Variants in CTBP2 observed in about 807,000 individuals in gnomAD.
CTBP2 encodes the protein C-terminal binding protein 2, also known as C-terminal-binding protein 2.
Under a neutral mutation model 80.3 loss-of-function variants are expected in CTBP2, and 30 were observed. That is an observed-to-expected ratio of 0.37 (90% CI 0.28 to 0.51). CTBP2 has a LOEUF of 0.51. CTBP2 is among the 20% of genes least tolerant of loss of function. CTBP2 has a pLI of 0.93. For synonymous variants in CTBP2, 594 were observed against 587.4 expected, an observed-to-expected ratio of 1.01 and a Z score of -0.16; for missense variants, 1,212 against 1,375.3, an observed-to-expected ratio of 0.88 and a Z score of 1.88.
chr10:125,044,763 C>A (rs190343875), intron 2 of CTBP2, among the ~76,000 whole-genome samples: 45 of 152,280 alleles, frequency 3.0e-4, no homozygotes, highest in Admixed American at 2.7e-3. Context: ...GAGAGCCTGT[C>A]TCAAACTTAA....
At chr10:125,130,181 G>A (rs1855933379) in intron 1 of CTBP2, among the ~76,000 whole-genome samples, 1 of 152,016 alleles carries the variant, frequency 6.6e-6, no homozygotes, top group African/African-American at 2.4e-5. Flanking sequence ...CCAAGTAGGT[G>A]GGATTACAGA....
intron 2 of CTBP2, among the ~76,000 whole-genome samples, chr10:125,053,215 G>A (rs1963182120): frequency 6.6e-6 from 1 of 152,116 alleles, no homozygotes; most frequent in Non-Finnish European, 1.5e-5. Flanking sequence ...TCTGGAGTAC[G>A]ACTGGGGGTT....
chr10:124,997,954 T>C lies in CTBP2; in HGVS notation c.2185+10A>G. 6.2e-7 allele frequency: 1 copy of C among 1,609,014 alleles called. No individual in the cohort carries two copies. Among genetic ancestry groups the C allele is most frequent in the Middle Eastern group, 1.8e-4 (1 of 5,510 alleles). ...AGGGGTTGGGGGTCAGCGCAGAGGGTGGCACGTACCAAAGCCAATGAGGCC... is the reference window on the plus strand; with the variant it reads ...AGGGGTTGGGGGTCAGCGCAGAGGGCGGCACGTACCAAAGCCAATGAGGCC... On this transcript the variant is annotated intron_variant, in intron 4 of 8. Transcript: ENST00000309035.
chr10:125,067,044 G>A (rs1004348192), intron 2 of CTBP2, among the ~76,000 whole-genome samples: 30 of 152,246 alleles, frequency 2.0e-4, no homozygotes, highest in African/African-American at 6.3e-4. Context: ...CACCCCCCAC[G>A]TCCACCTGCT....
intron 1 of CTBP2, among the ~76,000 whole-genome samples, chr10:125,130,756 C>T (rs565094773): frequency 3.9e-5 from 6 of 152,212 alleles, no homozygotes; most frequent in South Asian, 2.1e-4. Context: ...ATTTAGAGAC[C>T]GACTGTACTG....
chr10:125,137,545 T>C (rs1857156569), intron 1 of CTBP2, among the ~76,000 whole-genome samples: 1 of 152,228 alleles, frequency 6.6e-6, no homozygotes, highest in Non-Finnish European at 1.5e-5. Context: ...TCCAAGATGC[T>C]TTCCTGAAAC....
At chr10:125,130,657 G>A (rs952822140) in intron 1 of CTBP2, among the ~76,000 whole-genome samples, 5 of 152,278 alleles carry the variant, frequency 3.3e-5, no homozygotes, top group East Asian at 1.9e-4. Flanking sequence ...AATATAGTGC[G>A]TGGACACTGG....
chr10:125,005,159 A>C (rs1955069664), intron 1 of CTBP2, among the ~76,000 whole-genome samples: 1 of 152,226 alleles, frequency 6.6e-6, no homozygotes, highest in South Asian at 2.1e-4. Flanking sequence ...CCTGCATGGA[A>C]GGCCGTGCTC....
intron 2 of CTBP2, among the ~76,000 whole-genome samples, chr10:125,098,708 C>CAG (rs1850045599): frequency 7.6e-5 from 5 of 65,696 alleles, no homozygotes; most frequent in East Asian, 4.7e-4. Context: ...GAGAGAGAGA[C>CAG]AGAGAGAGAG....
chr10:125,015,510 G>A (rs948904303), intron 1 of CTBP2, among the ~76,000 whole-genome samples: 13 of 152,168 alleles, frequency 8.5e-5, no homozygotes, highest in African/African-American at 2.9e-4. Flanking sequence ...GGCCACAGCC[G>A]GGCTCCCAGG....
chr10:125,113,746 T>G (rs1429785488), intron 1 of CTBP2, among the ~76,000 whole-genome samples: 1 of 152,216 alleles, frequency 6.6e-6, no homozygotes, highest in Non-Finnish European at 1.5e-5. Context: ...GGTTCTAATT[T>G]GAGATATTTC....
chr10:125,086,948 A>G (rs1590672405), intron 2 of CTBP2, among the ~76,000 whole-genome samples: 5 of 152,264 alleles, frequency 3.3e-5, no homozygotes, highest in Admixed American at 3.3e-4. Flanking sequence ...ACAGTCCACG[A>G]CACACACGTG....
chr10:125,156,888 T>C (rs555658367), intron 1 of CTBP2, among the ~76,000 whole-genome samples: 2 of 152,370 alleles, frequency 1.3e-5, no homozygotes, highest in South Asian at 4.1e-4. Context: ...ACTGACAAAC[T>C]AGTTAATAAT....
At chr10:125,018,553 C>CAACA (rs59184976) in intron 1 of CTBP2, among the ~76,000 whole-genome samples, 10,244 of 99,498 alleles carry the variant, frequency 0.1, 405 homozygotes, top group East Asian at 0.2. Context: ...CCAAACCAAC[C>CAACA]AACAAACAAA....
chr10:125,086,436 G>A (rs757089614), intron 2 of CTBP2, among the ~76,000 whole-genome samples: 2 of 151,896 alleles, frequency 1.3e-5, no homozygotes, highest in Non-Finnish European at 1.5e-5. Context: ...TCAGCTACCC[G>A]GGAGACTGAG....
chr10:125,061,264 T>C (rs1177363596), intron 2 of CTBP2, among the ~76,000 whole-genome samples: 2 of 152,226 alleles, frequency 1.3e-5, no homozygotes, highest in African/African-American at 2.4e-5. Flanking sequence ...TACTTCCCGA[T>C]AGGACTTCCA....
chr10:125,087,457 G>A (rs1848163986), intron 2 of CTBP2, among the ~76,000 whole-genome samples: 1 of 152,114 alleles, frequency 6.6e-6, no homozygotes, highest in Non-Finnish European at 1.5e-5. Flanking sequence ...TTATTATAAA[G>A]AAGACATCCA....
rs1157720963 is a variant in CTBP2 at position 125,086,731 on chromosome 10, G to C, written c.-102+24259C>G. Among the ~76,000 whole-genome samples, 6 of 151,992 alleles carry C rather than the reference G, an allele frequency of 3.9e-5. No homozygotes were observed. The East Asian group carries it at 1.2e-3, about 29-fold the overall frequency. On this transcript the variant is annotated intron_variant, in intron 2 of 10. Transcript: ENST00000337195. ...CAGACATCGAATCTGCTGGCATCTT[G>C]GTCTTGGATTTCCCAAGAATTGTGA...
chr10:125,037,678 T>C (rs942259784), intron 3 of CTBP2, among the ~76,000 whole-genome samples: 1 of 152,152 alleles, frequency 6.6e-6, no homozygotes, highest in Non-Finnish European at 1.5e-5. Context: ...CAAAGAGACG[T>C]GGAGGAAATG....
Sources: allele counts gnomAD v4.1 joint callset (sites outside exome capture counted in the v4.1 genomes callset), GRCh38; gene constraint gnomAD v4.1.1; transcripts MANE v1.5; gene names NCBI Gene and HGNC (gene_info 2026-07-23, HGNC 2026-07-21).